Variants in HSD17B12 observed in about 807,000 individuals in gnomAD.
The protein encoded by HSD17B12 is very-long-chain 3-oxoacyl-CoA reductase.
In HSD17B12, 32 loss-of-function variants were observed where a neutral mutation model predicts 39.3. That is an observed-to-expected ratio of 0.81 (90% CI 0.61 to 1.09). The LOEUF (loss-of-function observed/expected upper bound fraction) is 1.09, where lower values mean the gene tolerates loss of function less well. Among genes scored for constraint, HSD17B12 ranks in the 50% least tolerant of loss-of-function variants. HSD17B12 has a pLI of 0.00. For missense variants in HSD17B12, 342 were observed against 382.9 expected (o/e 0.89, Z 0.89); for synonymous variants, 150 against 146.7 (o/e 1.02, Z -0.16).
the HSD17B12 span, among the ~76,000 whole-genome samples, chr11:43,612,065 C>T: frequency 6.6e-6 from 1 of 152,152 alleles, no homozygotes; most frequent in African/African-American, 2.4e-5. Context: ...TCTACTGTAT[C>T]AGGGTACTCC....
At chr11:43,582,944 C>A in the HSD17B12 span, among the ~76,000 whole-genome samples, 2 of 152,144 alleles carry the variant, frequency 1.3e-5, no homozygotes, top group African/African-American at 2.4e-5. Flanking sequence ...GCAAAAGCTC[C>A]GGGGATTTTC....
At chr11:43,670,796 G>T in the HSD17B12 span, among the ~76,000 whole-genome samples, 14 of 152,048 alleles carry the variant, frequency 9.2e-5, no homozygotes, top group Non-Finnish European at 1.9e-4. Flanking sequence ...GAGGCAGGAG[G>T]ATTGCTTGAG....
chr11:43,604,764 C>T, the HSD17B12 span, among the ~76,000 whole-genome samples: 1 of 152,158 alleles, frequency 6.6e-6, no homozygotes, highest in Non-Finnish European at 1.5e-5. Flanking sequence ...TGTGACCTTC[C>T]TTCTACCTCT....
chr11:43,792,374 C>G (rs1950875771), intron 3 of HSD17B12, among the ~76,000 whole-genome samples: 1 of 152,076 alleles, frequency 6.6e-6, no homozygotes, highest in South Asian at 2.1e-4. Flanking sequence ...TGGTTACAAA[C>G]TGAATTTTAT....
chr11:43,718,551 C>G (rs771326441), intron 1 of HSD17B12: 1 of 407,132 alleles, frequency 2.5e-6, no homozygotes, highest in Non-Finnish European at 4.5e-6. Flanking sequence ...AGTAGATGCT[C>G]TCATTTAAAA....
chr11:43,589,000 T>C, the HSD17B12 span, among the ~76,000 whole-genome samples: 634 of 150,758 alleles, frequency 4.2e-3, 6 homozygotes, highest in African/African-American at 0.013. Context: ...ATTATTATTA[T>C]TATTATTTTG....
At chr11:43,732,175 G>C (rs6485455) in intron 1 of HSD17B12, among the ~76,000 whole-genome samples, 99,709 of 152,002 alleles carry the variant, frequency 0.66, 33,051 homozygotes, top group East Asian at 0.75. Context: ...TCTGCCCTTA[G>C]TCTGTACTTC....
chr11:43,601,129 G>T, the HSD17B12 span, among the ~76,000 whole-genome samples: 1 of 148,056 alleles, frequency 6.8e-6, no homozygotes, highest in Non-Finnish European at 1.5e-5. Flanking sequence ...TGACATTCTG[G>T]CATCCATTTG....
chr11:43,727,293 G>A (rs1950230379), intron 1 of HSD17B12, among the ~76,000 whole-genome samples: 1 of 152,170 alleles, frequency 6.6e-6, no homozygotes, highest in Non-Finnish European at 1.5e-5. Flanking sequence ...CAGTCCTTGT[G>A]ATTTTCAGTA....
At chr11:43,604,837 A>G in the HSD17B12 span, among the ~76,000 whole-genome samples, 1 of 152,230 alleles carries the variant, frequency 6.6e-6, no homozygotes, top group African/African-American at 2.4e-5. Context: ...AGTAGTTACT[A>G]TATACTCTAC....
Position 43,709,369 on chromosome 11 carries a change from G to A in HSD17B12, c.160+28382G>A, listed in dbSNP as rs144566262. Among the ~76,000 whole-genome samples the A allele has an allele frequency of 1.2e-3, 177 of 152,314 alleles. 1 individual carries two copies. Among genetic ancestry groups the A allele is most frequent in the African/African-American group, 4.0e-3 (168 of 41,580 alleles). On this transcript the variant is annotated intron_variant, in intron 1 of 10. Coordinates refer to ENST00000278353, the MANE Select transcript of HSD17B12 (RefSeq NM_016142.3). ...GCAAACTCCTGACCTCAGGTGATCC[G>A]CCTGCCTTGGCCTCCCAAAGTGTTG...
the HSD17B12 span, among the ~76,000 whole-genome samples, chr11:43,649,934 AAG>A: frequency 3.3e-5 from 5 of 152,200 alleles, no homozygotes; most frequent in Non-Finnish European, 7.3e-5. Flanking sequence ...GTAGAGGCAA[AAG>A]AGCACCAAGG....
chr11:43,604,974 G>A, the HSD17B12 span, among the ~76,000 whole-genome samples: 9 of 152,190 alleles, frequency 5.9e-5, no homozygotes, highest in African/African-American at 1.7e-4. Flanking sequence ...GAGTTAGAGC[G>A]TCCTTTTTGC....
the HSD17B12 span, among the ~76,000 whole-genome samples, chr11:43,563,365 G>T: frequency 6.6e-6 from 1 of 152,162 alleles, no homozygotes; most frequent in African/African-American, 2.4e-5. Context: ...TAAAGCCCTC[G>T]CCTGAACAAT....
In HSD17B12 at chr11:43,839,745, G is replaced by T. The variant is rs77004836; in HGVS notation, c.619-254G>T. Among the ~76,000 whole-genome samples the T allele has an allele frequency of 1.2e-4, 19 of 152,156 alleles. No homozygotes were observed. The East Asian group carries it at 3.5e-3, about 28-fold the overall frequency. On this transcript the variant is annotated intron_variant, in intron 8 of 10. Coordinates refer to ENST00000278353, the MANE Select transcript of HSD17B12 (RefSeq NM_016142.3). The stretch of plus-strand genomic sequence containing the variant: ...ATTTTCTGAGGGGAGAAAAAGATAA[G>T]AAAAGCCTTTTCCAGTTAAATCAAA...
chr11:43,611,202 T>C, the HSD17B12 span, among the ~76,000 whole-genome samples: 44 of 152,324 alleles, frequency 2.9e-4, no homozygotes, highest in African/African-American at 9.9e-4. Context: ...TATTTTAATA[T>C]CATTTTTAAA....
At chr11:43,744,375 C>T (rs995676915) in intron 1 of HSD17B12, among the ~76,000 whole-genome samples, 3 of 151,836 alleles carry the variant, frequency 2.0e-5, no homozygotes, top group Non-Finnish European at 4.4e-5. Flanking sequence ...AAGCAGGTTA[C>T]ATAGAAATGG....
the HSD17B12 span, among the ~76,000 whole-genome samples, chr11:43,656,919 G>A: frequency 6.6e-6 from 1 of 152,154 alleles, no homozygotes; most frequent in Admixed American, 6.5e-5. Flanking sequence ...TATTAGGTCT[G>A]CTTGGTGCAG....
intron 7 of HSD17B12, among the ~76,000 whole-genome samples, chr11:43,835,056 C>T (rs1369299150): frequency 1.3e-5 from 2 of 152,120 alleles, no homozygotes; most frequent in Admixed American, 1.3e-4. Context: ...AGAAAATGCG[C>T]TGAAGTATGA....
Sources: allele counts gnomAD v4.1 joint callset (sites outside exome capture counted in the v4.1 genomes callset), GRCh38; gene constraint gnomAD v4.1.1; transcripts MANE v1.5; gene names NCBI Gene and HGNC (gene_info 2026-07-23, HGNC 2026-07-21).